SYN3: variants seen among roughly 807,000 people sequenced by gnomAD.
The protein encoded by SYN3 is synapsin-3.
Under a neutral mutation model 65.8 loss-of-function variants are expected in SYN3, and 35 were observed. The ratio of observed to expected loss-of-function variants is 0.53; its 90% CI spans 0.41 to 0.70. The LOEUF is 0.70. Ranked by LOEUF, SYN3 falls within the 30% of genes least tolerant of loss-of-function variation. The pLI, the probability that SYN3 is intolerant of heterozygous loss-of-function variation, is 0.00. For synonymous variants in SYN3, 270 were observed against 292.9 expected, an observed-to-expected ratio of 0.92 and a Z score of 0.80; for missense variants, 680 against 749.0, an observed-to-expected ratio of 0.91 and a Z score of 1.08.
intron 3 of SYN3, among the ~76,000 whole-genome samples, chr22:32,952,678 C>T (rs1317831188): frequency 6.6e-6 from 1 of 152,082 alleles, no homozygotes; most frequent in Non-Finnish European, 1.5e-5. Flanking sequence ...TCACTCGAGC[C>T]CACGAGTTCA....
intron 6 of SYN3, among the ~76,000 whole-genome samples, chr22:32,677,570 G>A (rs981776083): frequency 6.6e-5 from 10 of 152,120 alleles, no homozygotes; most frequent in African/African-American, 1.9e-4. Flanking sequence ...AGGCCAAGGC[G>A]GGTGGAACAT....
At chr22:32,811,929 C>T (rs898830178) in intron 6 of SYN3, among the ~76,000 whole-genome samples, 1 of 152,142 alleles carries the variant, frequency 6.6e-6, no homozygotes, top group Non-Finnish European at 1.5e-5. Context: ...GGAATGGTGA[C>T]AATGAACTTG....
At chr22:33,008,662 C>T (rs2053259807) in intron 1 of SYN3, among the ~76,000 whole-genome samples, 1 of 151,856 alleles carries the variant, frequency 6.6e-6, no homozygotes, top group Admixed American at 6.6e-5. Flanking sequence ...ACCTGTAATC[C>T]CAGAACTTTG....
intron 4 of SYN3, among the ~76,000 whole-genome samples, chr22:32,894,249 G>A (rs975007971): frequency 1.3e-5 from 2 of 152,208 alleles, no homozygotes; most frequent in African/African-American, 2.4e-5. Flanking sequence ...AGAATAAAAT[G>A]TCCTTCTCTT....
chr22:32,784,796 A>G (rs1389888197), intron 6 of SYN3: 1 of 152,248 alleles, frequency 6.6e-6, no homozygotes, highest in Non-Finnish European at 1.5e-5. Context: ...CGCAGCAGGC[A>G]TTATTTGCAC....
chr22:32,729,862 T>A (rs762885), intron 6 of SYN3, among the ~76,000 whole-genome samples: 69,004 of 151,964 alleles, frequency 0.45, 16,040 homozygotes, highest in African/African-American at 0.57. Context: ...CTCAGTTTCT[T>A]CTTTCTTCAT....
chr22:32,714,078 G>A (rs1475517054), intron 6 of SYN3, among the ~76,000 whole-genome samples: 3 of 152,158 alleles, frequency 2.0e-5, no homozygotes, highest in Non-Finnish European at 2.9e-5. Context: ...TTGCAAGGGG[G>A]AGCATCTTTT....
chr22:32,992,219 CG>C (rs943693931), intron 2 of SYN3, among the ~76,000 whole-genome samples: 10 of 152,314 alleles, frequency 6.6e-5, no homozygotes, highest in African/African-American at 2.4e-4. Flanking sequence ...ACTTCAGGGC[CG>C]AGCCTCCCTT....
At chr22:32,925,793 T>C (rs931995450) in intron 4 of SYN3, among the ~76,000 whole-genome samples, 1 of 151,894 alleles carries the variant, frequency 6.6e-6, no homozygotes, top group Non-Finnish European at 1.5e-5. Context: ...ACTGCTTGGG[T>C]ATCAGGATTT....
chr22:32,564,982 CTG>C (rs2058648122), intron 7 of SYN3, among the ~76,000 whole-genome samples: 1 of 130,792 alleles, frequency 7.6e-6, no homozygotes, highest in Non-Finnish European at 1.6e-5. Flanking sequence ...TGCTCCTGGA[CTG>C]CACCCAAACA....
intron 6 of SYN3, among the ~76,000 whole-genome samples, chr22:32,699,014 G>A (rs781359513): frequency 6.6e-6 from 1 of 152,172 alleles, no homozygotes; most frequent in African/African-American, 2.4e-5. Context: ...GAGATTGACC[G>A]GAGACAAACA....
chr22:32,633,275 T>G (rs1025865089), intron 6 of SYN3, among the ~76,000 whole-genome samples: 2 of 152,218 alleles, frequency 1.3e-5, no homozygotes, highest in African/African-American at 4.8e-5. Flanking sequence ...GCTTTGATTT[T>G]ATTATCCTGA....
intron 3 of SYN3, among the ~76,000 whole-genome samples, chr22:32,934,740 A>T (rs1249668165): frequency 6.6e-6 from 1 of 152,172 alleles, no homozygotes; most frequent in Non-Finnish European, 1.5e-5. Flanking sequence ...TGTGAATGTG[A>T]CCTCTTTGGG....
chr22:33,014,812 A>C (rs886204364), intron 1 of SYN3, among the ~76,000 whole-genome samples: 1 of 152,180 alleles, frequency 6.6e-6, no homozygotes, highest in African/African-American at 2.4e-5. Flanking sequence ...GAAGGACAAG[A>C]GTCGTAGAAG....
chr22:32,968,935 T>C (rs1192188383), intron 3 of SYN3, among the ~76,000 whole-genome samples: 1 of 152,168 alleles, frequency 6.6e-6, no homozygotes, highest in Admixed American at 6.5e-5. Context: ...AAGGAACAGG[T>C]TCAGATAAGA....
Position 32,864,973 on chromosome 22 carries a change from AGG to A in SYN3, c.651_652del (p.Leu218GlyfsTer3). The A allele has an allele frequency of 1.2e-6, 2 of 1,614,152 alleles. No individual in the cohort carries two copies. Among genetic ancestry groups the A allele is most frequent in the Non-Finnish European group, 1.7e-6 (2 of 1,179,976 alleles). ...CACAAGCGGGAACTTCTCAGGACCC[AGG>A]GAATGGAAGATCTTAATGAGCTGAG... On this transcript the variant is annotated frameshift_variant, in exon 6 of 14. Transcript: ENST00000358763. LOFTEE classifies it high-confidence loss of function.
chr22:32,533,802 G>A lies in SYN3; in HGVS notation c.1086C>T (p.Tyr362=). Residue 362 remains tyrosine (Y), a synonymous_variant, in exon 10 of 14, where the codon TAC becomes TAT. Transcript: ENST00000358763. ...KAVHSKDGRD[Y]IIEVMDSSMP... The stretch of plus-strand genomic sequence containing the variant: ...CTGCTTCATCCCTCACCTCGATGAT[G>A]TAATCTCTGCCATCCTTGCTGTGGA... The A allele has an allele frequency of 1.9e-6, 3 of 1,612,690 alleles. No individual in the cohort carries two copies. Among genetic ancestry groups the A allele is most frequent in the Non-Finnish European group, 1.7e-6 (2 of 1,178,932 alleles).
chr22:32,858,962 G>A (rs1425276150), intron 6 of SYN3, among the ~76,000 whole-genome samples: 1 of 152,146 alleles, frequency 6.6e-6, no homozygotes, highest in Non-Finnish European at 1.5e-5. Context: ...TCCTAAAACT[G>A]TGATAAGAAT....
At chr22:32,552,610 T>C (rs930582068) in intron 7 of SYN3, among the ~76,000 whole-genome samples, 10 of 152,128 alleles carry the variant, frequency 6.6e-5, no homozygotes, top group African/African-American at 2.4e-4. Flanking sequence ...TGTCTGGATA[T>C]AGATGTGGCC....
Sources: gnomAD v4.1 joint callset for allele counts (sites outside exome capture counted in the v4.1 genomes callset) on GRCh38, gnomAD v4.1.1 for gene constraint, MANE v1.5 for transcripts, NCBI Gene and HGNC (gene_info 2026-07-23, HGNC 2026-07-21) for gene names.